Variants in AFG1L observed in about 807,000 individuals in gnomAD.
AFG1L encodes AFG1-like ATPase.
A neutral mutation model predicts 62.2 loss-of-function variants in AFG1L; 53 were observed. The observed-to-expected ratio is 0.85, with a 90% CI of 0.68 to 1.07. The LOEUF (loss-of-function observed/expected upper bound fraction) is 1.07, where lower values mean the gene tolerates loss of function less well. Ranked by LOEUF, AFG1L falls within the 50% of genes least tolerant of loss-of-function variation. AFG1L has a pLI of 0.00. For synonymous variants in AFG1L, 228 were observed against 210.3 expected (o/e 1.08, Z -0.73); for missense variants, 555 against 590.5 (o/e 0.94, Z 0.62).
intron 10 of AFG1L, among the ~76,000 whole-genome samples, chr6:108,485,656 A>ATATATCTTTTTT (rs1359021647): frequency 4.0e-5 from 1 of 25,034 alleles, no homozygotes; most frequent in Non-Finnish European, 5.7e-5. Context: ...ATATATATAT[A>ATATATCTTTTTT]TTTTTTTTTT....
At chr6:108,490,285 A>G (rs1021853375) in intron 10 of AFG1L, among the ~76,000 whole-genome samples, 2 of 152,210 alleles carry the variant, frequency 1.3e-5, no homozygotes, top group Non-Finnish European at 2.9e-5. Flanking sequence ...ACTTGAACCC[A>G]GGAGGCGGAG....
chr6:108,393,958 C>T (rs1172321692), intron 6 of AFG1L, among the ~76,000 whole-genome samples: 2 of 151,694 alleles, frequency 1.3e-5, no homozygotes, highest in African/African-American at 4.9e-5. Context: ...GTGAACATTT[C>T]CATCACCCCA....
chr6:108,420,401 TTTTA>T (rs1329664701), intron 7 of AFG1L, among the ~76,000 whole-genome samples: 1 of 148,130 alleles, frequency 6.8e-6, no homozygotes, highest in Non-Finnish European at 1.5e-5. Flanking sequence ...AAAAATATAT[TTTTA>T]TTTTATTAAA....
Position 108,510,240 on chromosome 6 carries a change from T to C in AFG1L, c.1091T>C (p.Leu364Pro). The C allele has an allele frequency of 6.2e-7, 1 of 1,611,022 alleles. No individual in the cohort carries two copies. Among genetic ancestry groups the C allele is most frequent in the Admixed American group, 1.7e-5 (1 of 59,692 alleles). The change falls in exon 11 of 13, where the codon CTA (leucine) becomes CCA (proline). Residue 364 changes from leucine to proline, a missense_variant. Physicochemically the swap from Leu to Pro is moderately conservative, Grantham distance 98. Coordinates refer to ENST00000368977, the MANE Select transcript of AFG1L (RefSeq NM_145315.5). ...RPLGASDYLE[L>P]SKNFDTIFLR... ...CTTGGAGCCAGTGACTATTTGGAAC[T>C]ATCAAAGAATTTTGATACAATATTT... is the stretch of plus-strand genomic sequence containing the variant.
chr6:108,484,482 A>G (rs1477987315), intron 10 of AFG1L, among the ~76,000 whole-genome samples: 1 of 152,210 alleles, frequency 6.6e-6, no homozygotes, highest in African/African-American at 2.4e-5. Context: ...AAAGAGTCAT[A>G]GTCTTGGTGT....
At chr6:108,517,237 A>G (rs543524675) in intron 11 of AFG1L, among the ~76,000 whole-genome samples, 187 of 152,296 alleles carry the variant, frequency 1.2e-3, no homozygotes, top group Non-Finnish European at 2.4e-3. Flanking sequence ...GCATCACACT[A>G]CCTGACTTCA....
chr6:108,376,200 CTCTT>C (rs1780240401), intron 6 of AFG1L, among the ~76,000 whole-genome samples: 2 of 152,062 alleles, frequency 1.3e-5, no homozygotes, highest in Admixed American at 1.3e-4. Context: ...GATTTTCTCT[CTCTT>C]TTTCTTTTTT....
Position 108,447,210 on chromosome 6 carries a change from G to T in AFG1L, c.808-4G>T. On this transcript the variant is annotated splice_polypyrimidine_tract_variant and splice_region_variant and intron_variant, in intron 7 of 12. Transcript: ENST00000368977. Reference sequence around the variant, plus strand: ...AAAAGGCACTTCATTTGTTTGGATTGTAGGAATATTGTAATACAGTCCAGC... The same window carrying T: ...AAAAGGCACTTCATTTGTTTGGATTTTAGGAATATTGTAATACAGTCCAGC... The T allele has an allele frequency of 6.5e-7, 1 of 1,533,096 alleles. No individual in the cohort carries two copies. Among genetic ancestry groups the T allele is most frequent in the Non-Finnish European group, 9.0e-7 (1 of 1,110,538 alleles). The allele number at this position is 1,533,096 out of a possible 1,614,324, so 95.0% of individuals were successfully genotyped here. A position where few individuals can be genotyped will look rare whatever the true frequency, so the allele number is the denominator to read the frequency against.
intron 2 of AFG1L, among the ~76,000 whole-genome samples, chr6:108,326,600 C>T (rs75335199): frequency 4.6e-5 from 7 of 152,132 alleles, no homozygotes; most frequent in Non-Finnish European, 7.4e-5. Flanking sequence ...CTGCCAAATA[C>T]GCTTTTACTG....
chr6:108,475,085 C>T (rs1773055570), intron 8 of AFG1L, among the ~76,000 whole-genome samples: 1 of 152,124 alleles, frequency 6.6e-6, no homozygotes, highest in African/African-American at 2.4e-5. Context: ...AGGAAGGGGT[C>T]CAGTTTTGGT....
chr6:108,315,369 G>A (rs1043279126), intron 1 of AFG1L, among the ~76,000 whole-genome samples: 3 of 152,152 alleles, frequency 2.0e-5, no homozygotes, highest in Non-Finnish European at 4.4e-5. Context: ...GCATTCGGGT[G>A]TCAACTTAAT....
chr6:108,443,123 C>G (rs1176407680), intron 7 of AFG1L, among the ~76,000 whole-genome samples: 2 of 151,414 alleles, frequency 1.3e-5, no homozygotes, highest in African/African-American at 2.4e-5. Flanking sequence ...TTTATTCTCT[C>G]CTGGTTTCTG....
At chr6:108,426,902 T>C (rs71558318) in intron 7 of AFG1L, among the ~76,000 whole-genome samples, 430 of 152,222 alleles carry the variant, frequency 2.8e-3, no homozygotes, top group Middle Eastern at 0.02. Context: ...AAAATTTAGT[T>C]TGTATCTTTT....
intron 7 of AFG1L, among the ~76,000 whole-genome samples, chr6:108,412,840 G>A (rs1782177263): frequency 6.6e-6 from 1 of 152,252 alleles, no homozygotes; most frequent in South Asian, 2.1e-4. Flanking sequence ...ATCAAGGCTA[G>A]GAAGAAACTG....
intron 10 of AFG1L, among the ~76,000 whole-genome samples, chr6:108,485,642 ATATATATATATATATTTTTTT>A (rs1373130510): frequency 5.6e-5 from 1 of 17,796 alleles, no homozygotes; most frequent in African/African-American, 2.6e-4. Context: ...ATATATATAT[ATATATATATATATATTTTTTT>A]TTTTTTTTTT....
chr6:108,356,636 A>C, intron 4 of AFG1L, 54 bp from the exon 5 acceptor site: 1 of 1,254,262 alleles, frequency 8.0e-7, no homozygotes. Context: ...ATATGTTATA[A>C]TTGTCTAAAA....
chr6:108,303,036 C>T lies in AFG1L; in HGVS notation c.139+7818C>T, dbSNP rs570122748. Among the ~76,000 whole-genome samples, 13 of 152,180 alleles carry T rather than the reference C, an allele frequency of 8.5e-5. No homozygotes were observed. The South Asian group carries it at 1.0e-3, about 12-fold the overall frequency. ...CATGCGATTCTTGTGTTTCAGCCTC[C>T]GGAGTAGCTGGGATTACAGGTGTGA... On this transcript the variant is annotated intron_variant, in intron 1 of 12. Transcript: ENST00000368977.
Position 108,354,269 on chromosome 6 carries a change from T to A in AFG1L, c.416-1385T>A, listed in dbSNP as rs1468634596. Among the ~76,000 whole-genome samples the A allele has an allele frequency of 3.3e-5, 5 of 152,162 alleles. No individual in the cohort carries two copies. In the East Asian group the frequency reaches 9.6e-4, roughly 29 times the overall value. ...ATTCACAGAGGATAGTTCCAGTGGATGCCTGAAACCTCACATAGTACTGAA... is the reference window on the plus strand; with the variant it reads ...ATTCACAGAGGATAGTTCCAGTGGAAGCCTGAAACCTCACATAGTACTGAA... On this transcript the variant is annotated intron_variant, in intron 3 of 12. Transcript: ENST00000368977.
At chr6:108,360,120 G>A (rs1779465092) in intron 5 of AFG1L, among the ~76,000 whole-genome samples, 1 of 152,284 alleles carries the variant, frequency 6.6e-6, no homozygotes, top group African/African-American at 2.4e-5. Context: ...TTTGGCCACA[G>A]GAAACAGAAA....
Sources: allele counts gnomAD v4.1 joint callset (sites outside exome capture counted in the v4.1 genomes callset), GRCh38; gene constraint gnomAD v4.1.1; transcripts MANE v1.5; gene names NCBI Gene and HGNC (gene_info 2026-07-23, HGNC 2026-07-21).